TLN2: variants seen among roughly 807,000 people sequenced by gnomAD.
The protein encoded by TLN2 is talin 2, also known as talin-2.
In TLN2, 118 loss-of-function variants were observed where a neutral mutation model predicts 294.7. The observed-to-expected ratio is 0.40, with a 90% confidence interval of 0.34 to 0.47. The LOEUF (loss-of-function observed/expected upper bound fraction) is 0.47, where lower values mean the gene tolerates loss of function less well. Among genes scored for constraint, TLN2 ranks in the 20% least tolerant of loss-of-function variants. The probability of loss-of-function intolerance (pLI) is 0.84; values close to 1 mark genes in which losing one functional copy is unlikely to be tolerated. For missense variants in TLN2, 3,083 were observed against 3,282.2 expected (o/e 0.94, Z 1.48); for synonymous variants, 1,431 against 1,304.5 (o/e 1.10, Z -2.09).
chr15:62,774,149 A>C (rs2063536847), intron 42 of TLN2, among the ~76,000 whole-genome samples: 1 of 152,038 alleles, frequency 6.6e-6, no homozygotes, highest in South Asian at 2.1e-4. Context: ...CCCTCTACCA[A>C]AGTTGAAATC....
intron 1 of TLN2, among the ~76,000 whole-genome samples, chr15:62,526,469 G>A (rs12900096): frequency 0.078 from 11,808 of 152,112 alleles, 529 homozygotes; most frequent in Non-Finnish European, 0.097. Context: ...CTGGAACTTC[G>A]CTTCCGCATC....
Position 62,656,084 on chromosome 15 carries a change from C to A in TLN2, c.658C>A (p.Gln220Lys), listed in dbSNP as rs1435842279. The part of the protein sequence containing the change: ...DPVQLNLLYV[Q>K]ARDDILNGSH... ...CGTGCAGCTGAACTTGCTTTATGTT[C>A]AGGTACAGTATTTACTGCTCAGACA... Residue 220 changes from glutamine (Q) to lysine (K), a missense_variant and splice_region_variant, in exon 8 of 59, where the codon CAG becomes AAG. By Grantham distance (53) the Gln-to-Lys change is moderately conservative. Transcript: ENST00000636159. 1.2e-6 allele frequency: 2 copies of A among 1,614,134 alleles called. No individual in the cohort carries two copies. Among genetic ancestry groups the A allele is most frequent in the Non-Finnish European group, 1.7e-6 (2 of 1,179,998 alleles).
At chr15:62,413,087 G>A (rs961468990) in intron 1 of TLN2, among the ~76,000 whole-genome samples, 1 of 152,174 alleles carries the variant, frequency 6.6e-6, no homozygotes, top group African/African-American at 2.4e-5. Flanking sequence ...CTCCTCCAGG[G>A]AGAATTGAAA....
intron 1 of TLN2, among the ~76,000 whole-genome samples, chr15:62,502,979 G>A (rs1438920617): frequency 6.6e-6 from 1 of 152,096 alleles, no homozygotes. Context: ...TCACAGTTCC[G>A]TTTGCTGCGT....
intron 3 of TLN2, among the ~76,000 whole-genome samples, chr15:62,631,697 CTTT>C (rs776196520): frequency 2.2e-4 from 31 of 141,210 alleles, no homozygotes; most frequent in Non-Finnish European, 3.5e-4. Flanking sequence ...GTCTTTCTTT[CTTT>C]CTCTCCCTCC....
chr15:62,459,101 A>G (rs2036646884), intron 1 of TLN2, among the ~76,000 whole-genome samples: 1 of 151,964 alleles, frequency 6.6e-6, no homozygotes, highest in African/African-American at 2.4e-5. Flanking sequence ...CCTGGGTTCA[A>G]GTTATTCTCC....
chr15:62,434,001 C>CAAAAAAA (rs1256029065), intron 1 of TLN2, among the ~76,000 whole-genome samples: 1 of 150,764 alleles, frequency 6.6e-6, no homozygotes, highest in Non-Finnish European at 1.5e-5. Flanking sequence ...CGCCCCCGCC[C>CAAAAAAA]AAAAAAAAGA....
intron 1 of TLN2, among the ~76,000 whole-genome samples, chr15:62,462,353 T>C (rs1374192835): frequency 2.0e-5 from 3 of 152,186 alleles, no homozygotes; most frequent in African/African-American, 7.2e-5. Flanking sequence ...CCAGGAAACA[T>C]GTACTTTGCT....
At chr15:62,828,604 G>A (rs1021239846) in intron 54 of TLN2, 1 of 152,196 alleles carries the variant, frequency 6.6e-6, no homozygotes, top group Non-Finnish European at 1.5e-5. Flanking sequence ...CAAGTAGAGT[G>A]TACAATTAAC....
chr15:62,609,446 CCTTAA>C (rs1567186318), intron 2 of TLN2, among the ~76,000 whole-genome samples: 1 of 152,220 alleles, frequency 6.6e-6, no homozygotes, highest in Non-Finnish European at 1.5e-5. Context: ...TCATGTGTTG[CCTTAA>C]CTTGTCTTGT....
intron 2 of TLN2, among the ~76,000 whole-genome samples, chr15:62,610,297 A>G (rs1567187776): frequency 6.6e-6 from 1 of 152,256 alleles, no homozygotes; most frequent in Non-Finnish European, 1.5e-5. Flanking sequence ...GAATTAGCAC[A>G]TAGCTCCTAG....
chr15:62,534,529 T>C (rs2041229573), intron 1 of TLN2, among the ~76,000 whole-genome samples: 1 of 152,188 alleles, frequency 6.6e-6, no homozygotes, highest in African/African-American at 2.4e-5. Context: ...AGAACCTGCA[T>C]GTGTTCAACT....
chr15:62,686,445 C>A (rs980540112), intron 11 of TLN2, among the ~76,000 whole-genome samples, 196 bp from the exon 12 acceptor site: 15 of 152,096 alleles, frequency 9.9e-5, no homozygotes, highest in Non-Finnish European at 2.2e-4. Context: ...TTCCAGTCTT[C>A]TCATGTCTTT....
At chr15:62,394,472 C>A (rs1398517644) in intron 1 of TLN2, among the ~76,000 whole-genome samples, 1 of 152,126 alleles carries the variant, frequency 6.6e-6, no homozygotes, top group Non-Finnish European at 1.5e-5. Context: ...CCCACTGGTG[C>A]CTTTTTAATT....
Position 62,711,900 on chromosome 15 carries a change from C to G in TLN2, c.2468-11C>G. 1 of 1,600,566 alleles carries G rather than the reference C, an allele frequency of 6.2e-7. No homozygotes were observed. Among genetic ancestry groups the G allele is most frequent in the Non-Finnish European group, 8.6e-7 (1 of 1,169,448 alleles). ...AGACAAACAGACCTCATCCTCTATT[C>G]TGTCTTCTAGGTGAAATGGTGCGCC... On this transcript the variant is annotated splice_polypyrimidine_tract_variant and intron_variant, in intron 21 of 58. Coordinates refer to ENST00000636159, the MANE Select transcript of TLN2 (RefSeq NM_015059.3).
At chr15:62,492,304 A>G (rs1191731134) in intron 1 of TLN2, among the ~76,000 whole-genome samples, 1 of 152,004 alleles carries the variant, frequency 6.6e-6, no homozygotes, top group Admixed American at 6.5e-5. Context: ...GATGCCTATA[A>G]TCCCAGCACT....
intron 54 of TLN2, chr15:62,833,010 A>G (rs2069037344): frequency 6.6e-6 from 1 of 152,214 alleles, no homozygotes; most frequent in Non-Finnish European, 1.5e-5. Flanking sequence ...GTTCCAGAAA[A>G]TGAGTCTGTC....
At chr15:62,460,048 T>A (rs925484520) in intron 1 of TLN2, among the ~76,000 whole-genome samples, 1 of 152,166 alleles carries the variant, frequency 6.6e-6, no homozygotes, top group Non-Finnish European at 1.5e-5. Flanking sequence ...GAGTTGCGGC[T>A]TCAGATGTCT....
intron 1 of TLN2, among the ~76,000 whole-genome samples, chr15:62,552,408 A>T (rs764069523): frequency 4.6e-5 from 7 of 152,148 alleles, no homozygotes; most frequent in Non-Finnish European, 7.3e-5. Flanking sequence ...TCATTCATTG[A>T]CTTATGAAGC....
Sources: gnomAD v4.1 joint callset for allele counts (sites outside exome capture counted in the v4.1 genomes callset) on GRCh38, gnomAD v4.1.1 for gene constraint, MANE v1.5 for transcripts, NCBI Gene and HGNC (gene_info 2026-07-23, HGNC 2026-07-21) for gene names.